Variants in DSCAM observed in about 807,000 individuals in gnomAD.
DSCAM encodes DS cell adhesion molecule.
A neutral mutation model predicts 217.7 loss-of-function variants in DSCAM; 47 were observed. The ratio of observed to expected loss-of-function variants is 0.22; its 90% confidence interval spans 0.17 to 0.28. The LOEUF is 0.28. DSCAM is among the 10% of genes least tolerant of loss of function. The pLI, the probability that DSCAM is intolerant of heterozygous loss-of-function variation, is 1.00. For missense variants in DSCAM, 2,080 were observed against 2,618.3 expected (o/e 0.79, Z 4.49); for synonymous variants, 1,056 against 1,015.3 (o/e 1.04, Z -0.76).
chr21:40,689,294 T>C (rs777298897), intron 3 of DSCAM, among the ~76,000 whole-genome samples: 2 of 152,224 alleles, frequency 1.3e-5, no homozygotes, highest in Admixed American at 6.5e-5. Flanking sequence ...GGCCTAGAGA[T>C]TCACAGAAAC....
intron 8 of DSCAM, among the ~76,000 whole-genome samples, chr21:40,327,847 C>T (rs60381949): frequency 7.2e-5 from 11 of 151,918 alleles, no homozygotes; most frequent in Non-Finnish European, 1.6e-4. Flanking sequence ...TTTGTATACA[C>T]TAATAGTGAA....
chr21:40,380,925 T>C (rs372690814), intron 3 of DSCAM, among the ~76,000 whole-genome samples: 114 of 150,714 alleles, frequency 7.6e-4, no homozygotes, highest in African/African-American at 2.2e-3. Flanking sequence ...TAGCCGGGCG[T>C]GGTGGCGGGC....
intron 1 of DSCAM, among the ~76,000 whole-genome samples, chr21:40,769,021 T>C (rs1377726948): frequency 2.6e-5 from 4 of 152,144 alleles, no homozygotes; most frequent in Non-Finnish European, 5.9e-5. Flanking sequence ...ACTAAAATAT[T>C]AGAACTATCT....
intron 4 of DSCAM, among the ~76,000 whole-genome samples, chr21:40,365,571 T>C (rs1027565800): frequency 1.3e-5 from 2 of 152,178 alleles, no homozygotes; most frequent in African/African-American, 4.8e-5. Context: ...ATCTATCCTA[T>C]TAATTCTGTC....
At chr21:40,255,932 G>T (rs889516211) in intron 11 of DSCAM, among the ~76,000 whole-genome samples, 1 of 152,166 alleles carries the variant, frequency 6.6e-6, no homozygotes, top group South Asian at 2.1e-4. Context: ...CGGACGCTCT[G>T]ACTTTGGCTT....
chr21:40,067,076 C>T (rs2089216271), intron 27 of DSCAM, among the ~76,000 whole-genome samples: 1 of 152,150 alleles, frequency 6.6e-6, no homozygotes, highest in Non-Finnish European at 1.5e-5. Context: ...CTTAGCCTAG[C>T]CTATCTTCAA....
intron 3 of DSCAM, among the ~76,000 whole-genome samples, chr21:40,394,127 T>C (rs987668828): frequency 6.6e-6 from 1 of 152,216 alleles, no homozygotes; most frequent in Non-Finnish European, 1.5e-5. Context: ...TTTAATGCAA[T>C]GACAATCTTG....
intron 2 of DSCAM, among the ~76,000 whole-genome samples, chr21:40,697,989 G>T (rs2090613556): frequency 3.9e-5 from 6 of 152,124 alleles, no homozygotes; most frequent in Admixed American, 3.9e-4. Flanking sequence ...TTTTGTGTGT[G>T]TGTGTCCTCT....
At chr21:40,063,418 T>C (rs766929075) in intron 27 of DSCAM, among the ~76,000 whole-genome samples, 61 of 152,028 alleles carry the variant, frequency 4.0e-4, no homozygotes, top group Non-Finnish European at 5.6e-4. Context: ...TTTTTTTTTC[T>C]CTGAGCACAT....
intron 3 of DSCAM, among the ~76,000 whole-genome samples, chr21:40,599,381 C>A (rs1259200329): frequency 6.6e-6 from 1 of 152,174 alleles, no homozygotes; most frequent in Non-Finnish European, 1.5e-5. Context: ...TGGCCCCCAA[C>A]CCCCTGGCTG....
chr21:40,663,331 T>C lies in DSCAM; in HGVS notation c.508+29479A>G, dbSNP rs1249470414. Among the ~76,000 whole-genome samples the C allele has an allele frequency of 2.0e-5, 3 of 151,904 alleles. No homozygotes were observed. In the East Asian group the frequency reaches 5.8e-4, roughly 29 times the overall value. ...ACATGTATGTGTGTAAGAGAGTATG[T>C]GTGTGTCCTGTTAGCAGGAGTGTCC... On this transcript the variant is annotated intron_variant, in intron 3 of 32. Transcript: ENST00000400454.
At chr21:40,116,317 G>GA (rs1212979437) in intron 20 of DSCAM, among the ~76,000 whole-genome samples, 1 of 151,986 alleles carries the variant, frequency 6.6e-6, no homozygotes, top group Admixed American at 6.5e-5. Flanking sequence ...ACTTAAAAGT[G>GA]AAAAAATAAC....
intron 3 of DSCAM, among the ~76,000 whole-genome samples, chr21:40,408,094 G>C (rs933668251): frequency 6.6e-6 from 1 of 151,774 alleles, no homozygotes; most frequent in African/African-American, 2.4e-5. Flanking sequence ...CCTGAAAATA[G>C]GTTTGTGTTG....
At chr21:40,128,964 TA>T (rs2090126694) in intron 19 of DSCAM, among the ~76,000 whole-genome samples, 1 of 152,374 alleles carries the variant, frequency 6.6e-6, no homozygotes, top group Admixed American at 6.5e-5. Flanking sequence ...TACCTTAATG[TA>T]AAAATACCAC....
intron 16 of DSCAM, among the ~76,000 whole-genome samples, chr21:40,154,512 C>T (rs536712486): frequency 6.6e-6 from 1 of 152,198 alleles, no homozygotes; most frequent in Non-Finnish European, 1.5e-5. Flanking sequence ...ACTCAGCCTC[C>T]CAAAGTGCTG....
intron 11 of DSCAM, among the ~76,000 whole-genome samples, chr21:40,266,309 T>A (rs1450340719): frequency 1.3e-5 from 2 of 151,876 alleles, no homozygotes; most frequent in African/African-American, 2.4e-5. Context: ...GATACGACCT[T>A]CCCCTAGCCA....
chr21:40,834,741 C>G (rs2092043347), intron 1 of DSCAM, among the ~76,000 whole-genome samples: 2 of 152,080 alleles, frequency 1.3e-5, no homozygotes, highest in Non-Finnish European at 2.9e-5. Flanking sequence ...AGAGAGCAAA[C>G]CACCAGTGAC....
chr21:40,316,317 T>G (rs1367927561), intron 8 of DSCAM, among the ~76,000 whole-genome samples: 2 of 152,206 alleles, frequency 1.3e-5, no homozygotes, highest in African/African-American at 4.8e-5. Context: ...ACAAGACCTA[T>G]TTGTCAATCA....
chr21:40,109,944 C>T (rs961177793), intron 20 of DSCAM, among the ~76,000 whole-genome samples: 7 of 152,280 alleles, frequency 4.6e-5, no homozygotes, highest in Admixed American at 1.3e-4. Flanking sequence ...TGGAGCCCAC[C>T]GCAGCTCAAG....
Sources: gnomAD v4.1 joint callset for allele counts (sites outside exome capture counted in the v4.1 genomes callset) on GRCh38, gnomAD v4.1.1 for gene constraint, MANE v1.5 for transcripts, NCBI Gene and HGNC (gene_info 2026-07-23, HGNC 2026-07-21) for gene names.